VAT1L: variants seen among roughly 807,000 people sequenced by gnomAD.
VAT1L encodes putative NADPH-dependent quinone oxidoreductase VAT1L.
Under a neutral mutation model 44.1 loss-of-function variants are expected in VAT1L, and 34 were observed. The observed-to-expected ratio is 0.77, with a 90% CI of 0.59 to 1.03. The LOEUF (loss-of-function observed/expected upper bound fraction) is 1.03, where lower values mean the gene tolerates loss of function less well. VAT1L is among the 50% of genes least tolerant of loss of function. The pLI is 0.00. For synonymous variants in VAT1L, 253 were observed against 202.2 expected, an observed-to-expected ratio of 1.25 and a Z score of -2.13; for missense variants, 615 against 538.8, an observed-to-expected ratio of 1.14 and a Z score of -1.40.
chr16:77,968,969 C>G (rs2018251715), intron 7 of VAT1L, among the ~76,000 whole-genome samples: 1 of 152,050 alleles, frequency 6.6e-6, no homozygotes, highest in Non-Finnish European at 1.5e-5. Flanking sequence ...CAGGCACCCA[C>G]CACCACACCC....
chr16:77,818,626 G>C (rs562610467), intron 2 of VAT1L, among the ~76,000 whole-genome samples: 1 of 152,198 alleles, frequency 6.6e-6, no homozygotes, highest in Non-Finnish European at 1.5e-5. Context: ...TGTTCAACTT[G>C]GTTTAGAGGG....
At chr16:77,974,283 C>T (rs959822529) in intron 8 of VAT1L, among the ~76,000 whole-genome samples, 1 of 152,214 alleles carries the variant, frequency 6.6e-6, no homozygotes, top group African/African-American at 2.4e-5. Flanking sequence ...AAACATATGA[C>T]CAAGTCTCTT....
intron 7 of VAT1L, among the ~76,000 whole-genome samples, chr16:77,917,466 A>C (rs904768731): frequency 3.9e-5 from 6 of 152,220 alleles, no homozygotes; most frequent in Admixed American, 3.9e-4. Context: ...GAGATAATTA[A>C]ATTCATCCTA....
At position 77,979,437 on chromosome 16, in the gene VAT1L, T is replaced by G. The variant is rs2018376096; in HGVS notation, c.*1742T>G. ...TTATTCCCCTATTACCTTTGCTAAG[T>G]GCTATATTATTGGCTGTTTCTCCCG... is the stretch of plus-strand genomic sequence containing the variant. On this transcript the variant is annotated 3_prime_UTR_variant, in exon 9 of 9. Transcript: ENST00000302536. The G allele has an allele frequency of 6.6e-6, 1 of 152,054 alleles. No individual in the cohort carries two copies. Among genetic ancestry groups the G allele is most frequent in the Non-Finnish European group, 1.5e-5 (1 of 68,014 alleles). The allele number at this position is 152,054 out of a possible 1,614,324, so 9.4% of individuals were successfully genotyped here.
At chr16:77,844,090 T>C (rs74857098) in intron 3 of VAT1L, among the ~76,000 whole-genome samples, 2,331 of 152,214 alleles carry the variant, frequency 0.015, 60 homozygotes, top group African/African-American at 0.054. Flanking sequence ...AGCAAATATA[T>C]ACACACACAC....
chr16:77,809,419 A>G (rs34807942), intron 1 of VAT1L, among the ~76,000 whole-genome samples: 14,652 of 151,986 alleles, frequency 0.096, 942 homozygotes, highest in East Asian at 0.24. Context: ...ACAAAGCCCT[A>G]TAGGACAGCC....
chr16:77,946,475 G>C (rs995493626), intron 7 of VAT1L, among the ~76,000 whole-genome samples: 2 of 151,328 alleles, frequency 1.3e-5, no homozygotes, highest in African/African-American at 4.9e-5. Context: ...GTAGAGACAA[G>C]GTTTCACCGT....
At chr16:77,971,967 A>C (rs2018283120) in intron 8 of VAT1L, 34 bp downstream of exon 8, 1 of 1,595,114 alleles carries the variant, frequency 6.3e-7, no homozygotes, top group Admixed American at 1.7e-5. Flanking sequence ...GTTCAGTTCC[A>C]CGCGAGAGAG....
chr16:77,908,221 A>G (rs1396088703), intron 7 of VAT1L, among the ~76,000 whole-genome samples: 1 of 151,114 alleles, frequency 6.6e-6, no homozygotes, highest in Non-Finnish European at 1.5e-5. Flanking sequence ...CCTGGGTGAC[A>G]GAGTGAGACT....
intron 2 of VAT1L, among the ~76,000 whole-genome samples, chr16:77,822,448 C>T (rs2016467324): frequency 6.6e-6 from 1 of 152,186 alleles, no homozygotes; most frequent in African/African-American, 2.4e-5. Context: ...ATTGTACCCT[C>T]TCTGGAACAG....
chr16:77,838,949 C>T (rs762846532), intron 3 of VAT1L, among the ~76,000 whole-genome samples: 4 of 151,978 alleles, frequency 2.6e-5, no homozygotes, highest in African/African-American at 4.8e-5. Flanking sequence ...CTGTGTTGGT[C>T]TCTGGGTATT....
rs10689119 is a variant in VAT1L, at chr16:77,805,865, C to CTTTTTTTTTTTTTTTTTTTTTTT, written c.234-11041_234-11040insTTTTTTTTTTTTTTTTTTTTTTT. Reference sequence around the variant, plus strand: ...GTGTTATTTTTTCCTTAGTCTCTGCCTTTTTTTTTTTTTTTGAGATGGAGT... The same window carrying CTTTTTTTTTTTTTTTTTTTTTTT: ...GTGTTATTTTTTCCTTAGTCTCTGCCTTTTTTTTTTTTTTTTTTTTTTTTTTTTTTTTTTTTTTGAGATGGAGT... On this transcript the variant is annotated intron_variant, in intron 1 of 8. Transcript: ENST00000302536. 7.2e-4 allele frequency among the ~76,000 whole-genome samples: 57 copies of CTTTTTTTTTTTTTTTTTTTTTTT among 78,856 alleles called. 12 individuals carry two copies. Among genetic ancestry groups the CTTTTTTTTTTTTTTTTTTTTTTT allele is most frequent in the South Asian group, 1.7e-3 (3 of 1,804 alleles). The allele number at this position is 78,856 out of a possible 152,430, so 51.7% of individuals were successfully genotyped here.
intron 7 of VAT1L, among the ~76,000 whole-genome samples, chr16:77,887,262 T>C (rs763155079): frequency 2.0e-5 from 3 of 152,208 alleles, no homozygotes; most frequent in Non-Finnish European, 2.9e-5. Context: ...TAACAAGGGC[T>C]GGATGGAAAT....
At chr16:77,948,238 C>T (rs924882247) in intron 7 of VAT1L, among the ~76,000 whole-genome samples, 5 of 152,210 alleles carry the variant, frequency 3.3e-5, no homozygotes, top group African/African-American at 1.2e-4. Flanking sequence ...GCAGAGGCTG[C>T]ATGTGCTCAT....
At position 77,788,659 on chromosome 16, in the gene VAT1L, G is replaced by A; in HGVS notation, c.-24G>A. ...GCAGCCACCGCAGCCACCGCAGCCC[G>A]TGCGCCCCGCGCCCTCGAGCGCCAT... On this transcript the variant is annotated 5_prime_UTR_variant, in exon 1 of 9. The change creates a new upstream start codon in the 5' untranslated region. Coordinates refer to ENST00000302536, the MANE Select transcript of VAT1L (RefSeq NM_020927.3). The A allele has an allele frequency of 6.5e-7, 1 of 1,545,928 alleles. No individual in the cohort carries two copies. Among genetic ancestry groups the A allele is most frequent in the Non-Finnish European group, 8.7e-7 (1 of 1,145,458 alleles).
chr16:77,804,966 C>T (rs558441454), intron 1 of VAT1L, among the ~76,000 whole-genome samples: 1 of 152,092 alleles, frequency 6.6e-6, no homozygotes, highest in African/African-American at 2.4e-5. Context: ...GTATGTCTCC[C>T]GTGGCTGCAG....
intron 3 of VAT1L, among the ~76,000 whole-genome samples, chr16:77,832,262 A>T (rs2016588451): frequency 6.6e-6 from 1 of 152,126 alleles, no homozygotes; most frequent in African/African-American, 2.4e-5. Flanking sequence ...AGTTATTCCA[A>T]GATAAAGAGT....
intron 4 of VAT1L, among the ~76,000 whole-genome samples, chr16:77,869,399 A>T (rs2017007567): frequency 6.6e-6 from 1 of 152,192 alleles, no homozygotes; most frequent in Non-Finnish European, 1.5e-5. Context: ...CTTAGGCTGG[A>T]TGTGGTAGTT....
intron 2 of VAT1L, among the ~76,000 whole-genome samples, chr16:77,818,958 G>A (rs538331680): frequency 4.6e-5 from 7 of 152,258 alleles, no homozygotes; most frequent in African/African-American, 7.2e-5. Flanking sequence ...ACCGGAGGCC[G>A]GGTAATAAAG....
Sources: allele counts gnomAD v4.1 joint callset (sites outside exome capture counted in the v4.1 genomes callset), GRCh38; gene constraint gnomAD v4.1.1; transcripts MANE v1.5; gene names NCBI Gene and HGNC (gene_info 2026-07-23, HGNC 2026-07-21).